Variants in RHOBTB1 observed in about 807,000 individuals in gnomAD.
The protein encoded by RHOBTB1 is Rho related BTB domain containing 1.
Under a neutral mutation model 71.6 loss-of-function variants are expected in RHOBTB1, and 40 were observed. That is an observed-to-expected ratio of 0.56 (90% CI 0.43 to 0.73). RHOBTB1 has a LOEUF of 0.73. Ranked by LOEUF, RHOBTB1 falls within the 30% of genes least tolerant of loss-of-function variation. The pLI, the probability that RHOBTB1 is intolerant of heterozygous loss-of-function variation, is 0.00. For synonymous variants in RHOBTB1, 319 were observed against 334.9 expected, an observed-to-expected ratio of 0.95 and a Z score of 0.52; for missense variants, 797 against 894.0, an observed-to-expected ratio of 0.89 and a Z score of 1.38.
At chr10:60,993,814 G>A (rs2086950726) in intron 1 of RHOBTB1, among the ~76,000 whole-genome samples, 1 of 151,380 alleles carries the variant, frequency 6.6e-6, no homozygotes, top group African/African-American at 2.4e-5. Context: ...TTCTCCAAAG[G>A]CAACATGTAA....
upstream of RHOBTB1, among the ~76,000 whole-genome samples, chr10:60,948,726 T>G (rs903928974): frequency 2.6e-5 from 4 of 152,132 alleles, no homozygotes; most frequent in African/African-American, 9.7e-5. Context: ...GAATAAGTGT[T>G]TGGTAGAAAG....
At position 60,874,730 on chromosome 10, in the gene RHOBTB1, G is replaced by T. The variant is rs187721689; in HGVS notation, c.1815+224C>A. Among the ~76,000 whole-genome samples, 3 of 152,224 alleles carry T rather than the reference G, an allele frequency of 2.0e-5. No individual in the cohort carries two copies. The East Asian group carries it at 5.8e-4, about 29-fold the overall frequency. ...GAAGCTGGTGCCTTAGGGGACAATGGGACTGGCATGGGGGTGGGGACCGTT... is the reference window on the plus strand; with the variant it reads ...GAAGCTGGTGCCTTAGGGGACAATGTGACTGGCATGGGGGTGGGGACCGTT... On this transcript the variant is annotated intron_variant, in intron 9 of 10. Transcript: ENST00000337910.
intron 2 of RHOBTB1, among the ~76,000 whole-genome samples, chr10:60,923,210 A>G (rs1489597602): frequency 6.6e-6 from 1 of 152,218 alleles, no homozygotes; most frequent in Non-Finnish European, 1.5e-5. Flanking sequence ...AAGCATAGAC[A>G]TGTACAAGCA....
chr10:60,932,107 T>C, intron 2 of RHOBTB1, among the ~76,000 whole-genome samples: 1 of 152,212 alleles, frequency 6.6e-6, no homozygotes, highest in Non-Finnish European at 1.5e-5. Flanking sequence ...ATGCATGCCA[T>C]GTATGTATTT....
chr10:60,909,126 C>G (rs991528973), intron 4 of RHOBTB1, among the ~76,000 whole-genome samples: 1 of 152,150 alleles, frequency 6.6e-6, no homozygotes, highest in Non-Finnish European at 1.5e-5. Flanking sequence ...AAAATGACTC[C>G]AGCTATGTCA....
At position 60,894,609 on chromosome 10, in the gene RHOBTB1, AT is replaced by A. The variant is rs2082075588; in HGVS notation, c.297-1615del. On this transcript the variant is annotated intron_variant, in intron 4 of 10. Coordinates refer to ENST00000337910, the MANE Select transcript of RHOBTB1 (RefSeq NM_014836.5). The stretch of plus-strand genomic sequence containing the variant: ...TTTTTTATGGGCTGAGTTTTCTATT[AT>A]TCATAATCATATTTATATCAGGTAT... 2.0e-5 allele frequency among the ~76,000 whole-genome samples: 3 copies of A among 152,294 alleles called. No homozygotes were observed. The South Asian group carries it at 6.2e-4, about 32-fold the overall frequency.
intron 2 of RHOBTB1, among the ~76,000 whole-genome samples, chr10:60,933,371 A>G (rs1016413206): frequency 6.6e-6 from 1 of 152,218 alleles, no homozygotes; most frequent in Non-Finnish European, 1.5e-5. Flanking sequence ...CTTTCATCCA[A>G]TTTTAAGGTT....
intron 1 of RHOBTB1, among the ~76,000 whole-genome samples, chr10:60,991,488 T>A (rs1179263893): frequency 6.7e-6 from 1 of 149,924 alleles, no homozygotes; most frequent in Non-Finnish European, 1.5e-5. Context: ...TGGAGTGCAG[T>A]GGTGCAATCC....
At chr10:60,889,771 G>T (rs905851496) in intron 5 of RHOBTB1, among the ~76,000 whole-genome samples, 20 of 152,050 alleles carry the variant, frequency 1.3e-4, no homozygotes, top group Admixed American at 3.3e-4. Context: ...CTGTAAGACA[G>T]GAATAATAAT....
intron 2 of RHOBTB1, among the ~76,000 whole-genome samples, chr10:60,913,500 G>C (rs866921507): frequency 6.6e-6 from 1 of 152,162 alleles, no homozygotes; most frequent in Admixed American, 6.5e-5. Context: ...AAACTTCTAT[G>C]GTTTTCTTAG....
intron 9 of RHOBTB1, among the ~76,000 whole-genome samples, chr10:60,873,617 C>A (rs978665984): frequency 6.6e-6 from 1 of 152,228 alleles, no homozygotes. Context: ...TGGATCATTA[C>A]ATTTTTCTCT....
At chr10:60,878,529 T>C (rs751570742) in intron 7 of RHOBTB1, among the ~76,000 whole-genome samples, 1 of 152,200 alleles carries the variant, frequency 6.6e-6, no homozygotes, top group Non-Finnish European at 1.5e-5. Flanking sequence ...CCAGCTTGAT[T>C]TCGAAATTCT....
Position 60,889,159 on chromosome 10 carries a change from G to A in RHOBTB1, c.509C>T (p.Pro170Leu). The change falls in exon 6 of 11, where the codon CCC becomes CTC. Residue 170 changes from proline to leucine, a missense_variant. Physicochemically the swap from Pro to Leu is moderately conservative, Grantham distance 98. Transcript: ENST00000337910. Reference protein sequence around the residue: ...ARPIKRGDILPPEKGREVAKE... With the variant: ...ARPIKRGDILLPEKGREVAKE... ...TGCTACCTCTCGGCCTTTTTCTGGGGGCAAAATATCCCCTCTCTTTATGGG... is the reference window on the plus strand; with the variant it reads ...TGCTACCTCTCGGCCTTTTTCTGGGAGCAAAATATCCCCTCTCTTTATGGG... 1 of 1,612,142 alleles carries A rather than the reference G, an allele frequency of 6.2e-7. No individual in the cohort carries two copies. Among genetic ancestry groups the A allele is most frequent in the Non-Finnish European group, 8.5e-7 (1 of 1,179,068 alleles).
intron 4 of RHOBTB1, among the ~76,000 whole-genome samples, chr10:60,907,216 T>C (rs938575290): frequency 1.3e-5 from 2 of 152,230 alleles, no homozygotes; most frequent in Non-Finnish European, 2.9e-5. Flanking sequence ...ATTACCAGTG[T>C]AAGAACAGAC....
chr10:60,861,481 G>C, the RHOBTB1 span, among the ~76,000 whole-genome samples: 883 of 152,152 alleles, frequency 5.8e-3, 5 homozygotes, highest in African/African-American at 0.02. Context: ...CTTTAACCTG[G>C]CAGGCTTTCA....
intron 2 of RHOBTB1, among the ~76,000 whole-genome samples, chr10:60,914,565 T>A (rs1194723910): frequency 6.6e-6 from 1 of 152,192 alleles, no homozygotes; most frequent in African/African-American, 2.4e-5. Flanking sequence ...AATGGGACAC[T>A]AATAATGCAG....
upstream of RHOBTB1, among the ~76,000 whole-genome samples, chr10:60,947,125 A>G (rs2085263723): frequency 6.6e-6 from 1 of 152,204 alleles, no homozygotes; most frequent in African/African-American, 2.4e-5. Flanking sequence ...AGGAAAAGAG[A>G]GAAAAGGAAT....
At chr10:60,919,169 C>T (rs1589298911) in intron 2 of RHOBTB1, among the ~76,000 whole-genome samples, 1 of 152,176 alleles carries the variant, frequency 6.6e-6, no homozygotes, top group South Asian at 2.1e-4. Flanking sequence ...CTGAATGATG[C>T]TATTGCACGG....
upstream of RHOBTB1, among the ~76,000 whole-genome samples, chr10:60,945,722 C>T (rs567874221): frequency 3.3e-5 from 5 of 152,288 alleles, no homozygotes; most frequent in South Asian, 8.3e-4. Flanking sequence ...AAGTTATCAC[C>T]GGCAACCTCA....
Sources: gnomAD v4.1 joint callset for allele counts (sites outside exome capture counted in the v4.1 genomes callset) on GRCh38, gnomAD v4.1.1 for gene constraint, MANE v1.5 for transcripts, NCBI Gene and HGNC (gene_info 2026-07-23, HGNC 2026-07-21) for gene names.